The following PAPSS1 variants were observed in gnomAD, a reference collection of about 807,000 sequenced individuals.
PAPSS1 encodes bifunctional 3'-phosphoadenosine 5'-phosphosulfate synthase 1.
In PAPSS1, 50 loss-of-function variants were observed where a neutral mutation model predicts 72.0. That is an observed-to-expected ratio of 0.69 (90% CI 0.55 to 0.88). The LOEUF (loss-of-function observed/expected upper bound fraction) is 0.88, where lower values mean the gene tolerates loss of function less well. Ranked by LOEUF, PAPSS1 falls within the 40% of genes least tolerant of loss-of-function variation. PAPSS1 has a pLI of 0.00. For synonymous variants in PAPSS1, 261 were observed against 263.6 expected (o/e 0.99, Z 0.09); for missense variants, 657 against 782.2 (o/e 0.84, Z 1.91).
At chr4:107,654,553 C>T (rs1726941783) in intron 8 of PAPSS1, 142 bp downstream of exon 8, 1 of 713,274 alleles carries the variant, frequency 1.4e-6, no homozygotes, top group Admixed American at 2.2e-5. Flanking sequence ...CATAAACACT[C>T]ATCACAATAA....
chr4:107,621,683 C>T (rs576587553), intron 11 of PAPSS1, among the ~76,000 whole-genome samples: 6 of 131,038 alleles, frequency 4.6e-5, no homozygotes, highest in South Asian at 2.5e-4. Flanking sequence ...TGCAGTGGCA[C>T]GATATCAGCT....
At chr4:107,681,333 C>CTT (rs1409878460) in intron 5 of PAPSS1, among the ~76,000 whole-genome samples, 3 of 152,110 alleles carry the variant, frequency 2.0e-5, no homozygotes, top group Non-Finnish European at 4.4e-5. Context: ...CACATAGAGG[C>CTT]CAGATCCTCT....
In PAPSS1 at chr4:107,687,060, C is replaced by CT; in HGVS notation, c.528dup (p.Ala177SerfsTer7). 1 of 1,595,564 alleles carries CT rather than the reference C, an allele frequency of 6.3e-7. No homozygotes were observed. Among genetic ancestry groups the CT allele is most frequent in the African/African-American group, 1.4e-5 (1 of 73,468 alleles). On this transcript the variant is annotated frameshift_variant, in exon 4 of 12. Coordinates refer to ENST00000265174, the MANE Select transcript of PAPSS1 (RefSeq NM_005443.5). LOFTEE classifies it high-confidence loss of function. ...TGACCTTTAATTTCTCCTGCCCGGG[C>CT]TTTTTTGTAGAGTCCTTTGACATCC... is the stretch of plus-strand genomic sequence containing the variant.
At chr4:107,658,292 A>G (rs1357324880) in intron 6 of PAPSS1, among the ~76,000 whole-genome samples, 1 of 136,686 alleles carries the variant, frequency 7.3e-6, no homozygotes, top group Non-Finnish European at 1.6e-5. Flanking sequence ...TCTTGTTAGG[A>G]AAAAAAAAAA....
intron 11 of PAPSS1, among the ~76,000 whole-genome samples, chr4:107,623,686 G>C (rs373640367): frequency 6.6e-5 from 10 of 152,136 alleles, no homozygotes; most frequent in African/African-American, 2.4e-4. Context: ...GAATGGGAGT[G>C]TCTCCTGTTG....
intron 9 of PAPSS1, among the ~76,000 whole-genome samples, chr4:107,653,285 C>T (rs911749831): frequency 1.3e-5 from 2 of 152,016 alleles, no homozygotes; most frequent in African/African-American, 4.8e-5. Context: ...CATCTAGCTT[C>T]CAGAGTATTC....
intron 11 of PAPSS1, among the ~76,000 whole-genome samples, chr4:107,631,048 G>A (rs1314588350): frequency 6.6e-6 from 1 of 152,128 alleles, no homozygotes. Flanking sequence ...GTTACCTCCA[G>A]GCTATACATA....
chr4:107,648,949 A>T (rs1291304969), intron 9 of PAPSS1, among the ~76,000 whole-genome samples: 3 of 152,298 alleles, frequency 2.0e-5, no homozygotes, highest in Non-Finnish European at 4.4e-5. Flanking sequence ...AGATATTAGA[A>T]TTTTTCACAA....
chr4:107,638,538 G>C (rs986583825), intron 10 of PAPSS1, among the ~76,000 whole-genome samples: 3 of 152,174 alleles, frequency 2.0e-5, no homozygotes, highest in Non-Finnish European at 4.4e-5. Flanking sequence ...GGTGAGAACA[G>C]TATCAGCCCT....
At chr4:107,681,668 A>G (rs1722618367) in intron 5 of PAPSS1, among the ~76,000 whole-genome samples, 1 of 152,196 alleles carries the variant, frequency 6.6e-6, no homozygotes, top group Admixed American at 6.5e-5. Flanking sequence ...ACAACTTTGT[A>G]TACCTCAAAT....
chr4:107,718,288 C>T (rs1183647986), intron 1 of PAPSS1: 1 of 152,226 alleles, frequency 6.6e-6, no homozygotes, highest in Admixed American at 6.5e-5. Context: ...CAAGTCTTCT[C>T]TGCAGCCAAA....
chr4:107,624,803 T>C (rs1055674454), intron 11 of PAPSS1, among the ~76,000 whole-genome samples: 4 of 152,186 alleles, frequency 2.6e-5, no homozygotes, highest in East Asian at 3.9e-4. Flanking sequence ...AGTCAGACTC[T>C]ACATGTATTC....
chr4:107,649,015 T>C (rs1330496120), intron 9 of PAPSS1, among the ~76,000 whole-genome samples: 1 of 152,244 alleles, frequency 6.6e-6, no homozygotes, highest in Non-Finnish European at 1.5e-5. Flanking sequence ...TCTATTCTCA[T>C]GACTAAAAAC....
chr4:107,633,130 T>A (rs544377006), intron 10 of PAPSS1, among the ~76,000 whole-genome samples: 9 of 152,358 alleles, frequency 5.9e-5, no homozygotes, highest in Admixed American at 2.6e-4. Context: ...ACATAGTATA[T>A]AACATAGACC....
intron 11 of PAPSS1, 85 bp from the exon 12 acceptor site, chr4:107,614,472 A>G: frequency 9.9e-7 from 1 of 1,006,142 alleles, no homozygotes; most frequent in Non-Finnish European, 1.4e-6. Context: ...TGTTCATATT[A>G]GACAAACTTA....
intron 9 of PAPSS1, among the ~76,000 whole-genome samples, chr4:107,651,647 T>C (rs544622983): frequency 1.3e-5 from 2 of 152,174 alleles, no homozygotes; most frequent in South Asian, 4.2e-4. Flanking sequence ...CCATCACACC[T>C]TGTGAGAACT....
chr4:107,699,966 C>T (rs957622192), intron 2 of PAPSS1, among the ~76,000 whole-genome samples: 3 of 152,048 alleles, frequency 2.0e-5, no homozygotes, highest in African/African-American at 7.2e-5. Context: ...GTGAACATGT[C>T]ATAGTAAAAT....
chr4:107,654,954 T>C, intron 7 of PAPSS1, 54 bp from the exon 8 acceptor site: 1 of 1,306,372 alleles, frequency 7.7e-7, no homozygotes, highest in South Asian at 1.3e-5. Flanking sequence ...CAACACGCTT[T>C]ACTTAACACC....
At chr4:107,616,132 T>C (rs1211249254) in intron 11 of PAPSS1, among the ~76,000 whole-genome samples, 1 of 152,024 alleles carries the variant, frequency 6.6e-6, no homozygotes, top group Non-Finnish European at 1.5e-5. Flanking sequence ...ATGCCCTATG[T>C]AGTCATTGTT....
Sources: allele counts gnomAD v4.1 joint callset (sites outside exome capture counted in the v4.1 genomes callset), GRCh38; gene constraint gnomAD v4.1.1; transcripts MANE v1.5; gene names NCBI Gene and HGNC (gene_info 2026-07-23, HGNC 2026-07-21).